LZTFL1: variants seen among roughly 807,000 people sequenced by gnomAD.
LZTFL1 encodes leucine zipper transcription factor-like protein 1.
In LZTFL1, 25 loss-of-function variants were observed where a neutral mutation model predicts 45.9. That is an observed-to-expected ratio of 0.54 (90% CI 0.40 to 0.76). LZTFL1 has a LOEUF of 0.76. LZTFL1 is among the 30% of genes least tolerant of loss of function. The pLI, the probability that LZTFL1 is intolerant of heterozygous loss-of-function variation, is 0.00. For synonymous variants in LZTFL1, 93 were observed against 117.4 expected (o/e 0.79, Z 1.35); for missense variants, 277 against 331.1 (o/e 0.84, Z 1.27).
intron 2 of LZTFL1, among the ~76,000 whole-genome samples, chr3:45,880,477 G>C (rs1330261003): frequency 6.6e-6 from 1 of 152,142 alleles, no homozygotes; most frequent in Non-Finnish European, 1.5e-5. Flanking sequence ...ACTCCAGCCT[G>C]GGCGACAGAG....
At chr3:45,847,251 A>G (rs1160632331) in intron 4 of LZTFL1, among the ~76,000 whole-genome samples, 3 of 152,192 alleles carry the variant, frequency 2.0e-5, no homozygotes, top group Non-Finnish European at 4.4e-5. Flanking sequence ...ACATCCAGAC[A>G]CAGTTTTCTC....
At chr3:45,849,033 C>T (rs74769451) in intron 4 of LZTFL1, among the ~76,000 whole-genome samples, 5,891 of 152,254 alleles carry the variant, frequency 0.039, 376 homozygotes, top group African/African-American at 0.13. Context: ...TATAGGCCAT[C>T]GGCCCTGTGT....
At chr3:45,867,763 G>T (rs1196000924) in intron 2 of LZTFL1, among the ~76,000 whole-genome samples, 2 of 152,144 alleles carry the variant, frequency 1.3e-5, no homozygotes, top group Non-Finnish European at 2.9e-5. Context: ...AGGATCACTT[G>T]AGCCTGGGAG....
At chr3:45,827,082 T>C in intron 9 of LZTFL1, 1 of 388,330 alleles carries the variant, frequency 2.6e-6, no homozygotes, top group Non-Finnish European at 4.6e-6. Flanking sequence ...CTGTGTTTCC[T>C]GTCTGACATC....
intron 1 of LZTFL1, chr3:45,913,305 C>CA: frequency 3.8e-6 from 2 of 523,792 alleles, no homozygotes; most frequent in Non-Finnish European, 6.5e-6. Flanking sequence ...AGATCCTTAA[C>CA]TTTTTTTTTT....
Position 45,826,227 on chromosome 3 carries a change from T to C in LZTFL1, c.*87A>G, listed in dbSNP as rs1283063612. 4.5e-6 allele frequency: 5 copies of C among 1,107,786 alleles called. No homozygotes were observed. Among genetic ancestry groups the C allele is most frequent in the Non-Finnish European group, 6.8e-6 (5 of 733,336 alleles). 68.6% of individuals were successfully genotyped at this position (1,107,786 alleles called of 1,614,324 possible). ...ATATTAGAAAAATAAGGAGAGGGGA[T>C]ATGACAAAATGCTTTTCAAAATACA... is the stretch of plus-strand genomic sequence containing the variant. On this transcript the variant is annotated 3_prime_UTR_variant, in exon 10 of 10. Transcript: ENST00000296135.
chr3:45,887,329 T>C (rs919773821), intron 2 of LZTFL1, among the ~76,000 whole-genome samples: 7 of 152,072 alleles, frequency 4.6e-5, no homozygotes, highest in Non-Finnish European at 1.0e-4. Context: ...AACTTAACAA[T>C]GGCTAAACTA....
chr3:45,833,124 G>A lies in LZTFL1; in HGVS notation c.385-3C>T, dbSNP rs1366746057. The A allele has an allele frequency of 6.2e-7, 1 of 1,609,904 alleles. No individual in the cohort carries two copies. Among genetic ancestry groups the A allele is most frequent in the East Asian group, 2.2e-5 (1 of 44,822 alleles). On this transcript the variant is annotated splice_polypyrimidine_tract_variant and splice_region_variant and intron_variant, in intron 4 of 9. Coordinates refer to ENST00000296135, the MANE Select transcript of LZTFL1 (RefSeq NM_020347.4). ...GGCTTTGTGACATCTAAGATGGGCTGAAACAAAATAAAGAAACCAAACTGA... is the reference window on the plus strand; with the variant it reads ...GGCTTTGTGACATCTAAGATGGGCTAAAACAAAATAAAGAAACCAAACTGA...
At chr3:45,910,568 T>C (rs541163827) in intron 2 of LZTFL1, among the ~76,000 whole-genome samples, 44 of 152,230 alleles carry the variant, frequency 2.9e-4, no homozygotes, top group African/African-American at 1.0e-3. Flanking sequence ...CAGACTGTGA[T>C]TGGCTGAGGA....
chr3:45,826,691 C>G (rs1484858511), intron 9 of LZTFL1, among the ~76,000 whole-genome samples: 1 of 152,214 alleles, frequency 6.6e-6, no homozygotes. Context: ...CCCTTTCTAG[C>G]TCTGCTCCCC....
At chr3:45,876,046 T>A (rs17078387) in intron 2 of LZTFL1, among the ~76,000 whole-genome samples, 12,578 of 152,268 alleles carry the variant, frequency 0.083, 633 homozygotes, top group East Asian at 0.25. Context: ...ATGCAAACTC[T>A]CTTATCAACT....
At chr3:45,852,110 C>T (rs1433624532) in intron 4 of LZTFL1, among the ~76,000 whole-genome samples, 5 of 152,182 alleles carry the variant, frequency 3.3e-5, no homozygotes, top group African/African-American at 4.8e-5. Context: ...ATATCCCTAA[C>T]CTTCTGCTCA....
At chr3:45,890,275 T>TATATATTTATATAA (rs1702113897) in intron 2 of LZTFL1, among the ~76,000 whole-genome samples, 2 of 85,138 alleles carry the variant, frequency 2.3e-5, no homozygotes, top group Non-Finnish European at 2.3e-5. Context: ...ATATAACATA[T>TATATATTTATATAA]ATATATATTT....
upstream of LZTFL1, among the ~76,000 whole-genome samples, chr3:45,847,075 C>A: frequency 6.6e-6 from 1 of 152,278 alleles, no homozygotes; most frequent in South Asian, 2.1e-4. Flanking sequence ...GGCACTGGTT[C>A]GGAAGCACTT....
At chr3:45,876,617 C>T (rs1286169213) in intron 2 of LZTFL1, among the ~76,000 whole-genome samples, 1 of 152,154 alleles carries the variant, frequency 6.6e-6, no homozygotes, top group African/African-American at 2.4e-5. Context: ...CGACTCTTTC[C>T]TGTATTAGTT....
chr3:45,867,717 G>A (rs1362752342), intron 2 of LZTFL1, among the ~76,000 whole-genome samples: 1 of 152,126 alleles, frequency 6.6e-6, no homozygotes, highest in East Asian at 1.9e-4. Context: ...AGTGGTGCAT[G>A]CCTGTAGTCC....
intron 2 of LZTFL1, among the ~76,000 whole-genome samples, chr3:45,909,992 G>A (rs2125772532): frequency 6.6e-6 from 1 of 152,360 alleles, no homozygotes; most frequent in African/African-American, 2.4e-5. Context: ...AGAGCCATTG[G>A]TGATTGGAGG....
chr3:45,903,681 G>A (rs575870122), intron 2 of LZTFL1, among the ~76,000 whole-genome samples: 1 of 152,262 alleles, frequency 6.6e-6, no homozygotes. Context: ...AGCCAGGGAG[G>A]GCGAAGGGGT....
chr3:45,892,731 C>T (rs893867691), intron 2 of LZTFL1, among the ~76,000 whole-genome samples: 2 of 151,926 alleles, frequency 1.3e-5, no homozygotes, highest in African/African-American at 4.8e-5. Context: ...AGGAAAAAAC[C>T]CACAAAAACA....
Sources: allele counts gnomAD v4.1 joint callset (sites outside exome capture counted in the v4.1 genomes callset), GRCh38; gene constraint gnomAD v4.1.1; transcripts MANE v1.5; gene names NCBI Gene and HGNC (gene_info 2026-07-23, HGNC 2026-07-21).